ZNF525: variants seen among roughly 807,000 people sequenced by gnomAD.
ZNF525 encodes zinc finger protein 525.
In ZNF525, 33 loss-of-function variants were observed where a neutral mutation model predicts 37.6. The ratio of observed to expected loss-of-function variants is 0.88; its 90% confidence interval spans 0.67 to 1.17. The LOEUF is 1.17. Ranked by LOEUF, ZNF525 falls within the 50% of genes most tolerant of loss-of-function variation. ZNF525 has a pLI of 0.00. For missense variants in ZNF525, 449 were observed against 543.1 expected (o/e 0.83, Z 1.72); for synonymous variants, 170 against 182.3 (o/e 0.93, Z 0.54).
rs2085573910 is a variant in ZNF525 at position 53,382,465 on chromosome 19, A to G, written c.*446A>G. ...TGCCTTACACGCCATCATAGACTTC[A>G]TACTGGAAATAAATCTTATAAGTGT... is the stretch of plus-strand genomic sequence containing the variant. On this transcript the variant is annotated 3_prime_UTR_variant, in exon 4 of 4. Transcript: ENST00000474037. 1 of 745,270 alleles carries G rather than the reference A, an allele frequency of 1.3e-6. No individual in the cohort carries two copies. The highest frequency in any genetic ancestry group is 2.4e-6 in the Non-Finnish European group (1 of 411,652). 46.2% of individuals were successfully genotyped at this position (745,270 alleles called of 1,614,324 possible). A position where few individuals can be genotyped will look rare whatever the true frequency, so the allele number is the denominator to read the frequency against.
rs779985548 is a variant in ZNF525, at chr19:53,381,442, A to G, written c.863A>G (p.Tyr288Cys). 6 of 1,508,328 alleles carry G rather than the reference A, an allele frequency of 4.0e-6. No homozygotes were observed. Among genetic ancestry groups the G allele is most frequent in the Non-Finnish European group, 5.5e-6 (6 of 1,083,950 alleles). 93.4% of individuals were successfully genotyped at this position (1,508,328 alleles called of 1,614,324 possible). A position where few individuals can be genotyped will look rare whatever the true frequency, so the allele number is the denominator to read the frequency against. The change falls in exon 4 of 4, where the codon TAT becomes TGT. Residue 288 changes from tyrosine (Y) to cysteine (C), a missense_variant. Tyr to Cys is a radical substitution (Grantham distance 194). This residue lies in a region of ZNF525 where 271 missense variants were observed against 381.6 expected (regional missense o/e 0.71). Coordinates refer to ENST00000474037, the MANE Select transcript of ZNF525 (RefSeq NM_001348156.2). Reference protein sequence around the residue: ...KSFSQMSSLTYHHRLHTGEKP... With the variant: ...KSFSQMSSLTCHHRLHTGEKP... ...TTCAGTCAGATGTCATCCCTTACAT[A>G]TCATCATCGACTTCATACTGGAGAG...
In ZNF525 at chr19:53,383,451, CAG is replaced by C; in HGVS notation, c.*1433_*1434del. Reference sequence around the variant, plus strand: ...CAGTCGCAAATCAAACCTCGAAAGACAGGAGAATTCATACTGGAGAGAAACCA... The same window carrying C: ...CAGTCGCAAATCAAACCTCGAAAGACGAGAATTCATACTGGAGAGAAACCA... On this transcript the variant is annotated 3_prime_UTR_variant, in exon 4 of 4. Transcript: ENST00000474037. 9.9e-7 allele frequency: 1 copy of C among 1,013,476 alleles called. No homozygotes were observed. Among genetic ancestry groups the C allele is most frequent in the Non-Finnish European group, 1.5e-6 (1 of 677,926 alleles). The allele number at this position is 1,013,476 out of a possible 1,614,324, so 62.8% of individuals were successfully genotyped here.
At chr19:53,366,119 C>T (rs1436484893) in intron 1 of ZNF525, among the ~76,000 whole-genome samples, 4 of 151,996 alleles carry the variant, frequency 2.6e-5, no homozygotes, top group Non-Finnish European at 5.9e-5. Context: ...GCCCCTAGAG[C>T]GCAGCGTCGC....
chr19:53,369,123 G>T (rs898749248), intron 1 of ZNF525, among the ~76,000 whole-genome samples: 2 of 152,170 alleles, frequency 1.3e-5, no homozygotes, highest in African/African-American at 4.8e-5. Flanking sequence ...TGGTTTAAAA[G>T]GGAACTTTTT....
Position 53,381,294 on chromosome 19 carries a change from G to A in ZNF525, c.715G>A (p.Gly239Arg). The change falls in exon 4 of 4, where the codon GGA (glycine) becomes AGA (arginine). Residue 239 changes from glycine (G) to arginine (R), a missense_variant. Physicochemically the swap from Gly to Arg is moderately radical, Grantham distance 125. Around this residue, in one of 2 missense-constraint regions of ZNF525, gnomAD observed 271 missense variants for 381.6 expected, o/e 0.71. Coordinates refer to ENST00000474037, the MANE Select transcript of ZNF525 (RefSeq NM_001348156.2). ...LLRKHQIIHL[G>R]EKQYKCDVCD... ...AAGGAAACATCAGATTATTCATCTA[G>A]GAGAGAAACAATATAAATGTGATGT... 6.9e-7 allele frequency: 1 copy of A among 1,459,786 alleles called. No homozygotes were observed. The highest frequency in any genetic ancestry group is 9.6e-7 in the Non-Finnish European group (1 of 1,039,320). 90.4% of individuals were successfully genotyped at this position (1,459,786 alleles called of 1,614,324 possible).
intron 1 of ZNF525, among the ~76,000 whole-genome samples, chr19:53,369,315 C>T (rs1349308436): frequency 1.3e-5 from 2 of 151,796 alleles, no homozygotes; most frequent in Non-Finnish European, 2.9e-5. Flanking sequence ...CAATCTTGGC[C>T]CACTGCAACC....
In ZNF525 at chr19:53,381,044, G is replaced by C. The variant is rs1568761762; in HGVS notation, c.465G>C (p.Gln155His). 4.5e-6 allele frequency: 7 copies of C among 1,545,252 alleles called. No individual in the cohort carries two copies. Among genetic ancestry groups the C allele is most frequent in the Non-Finnish European group, 6.3e-6 (7 of 1,117,354 alleles). ...ATCTGTCTGAACTCCACATATTTCA[G>C]CCCAAAGGGAAAATTAATAATCAAG... The part of the protein sequence containing the change: ...HSHLSELHIF[Q>H]PKGKINNQVE... Residue 155 changes from glutamine (Q) to histidine (H), a missense_variant, in exon 4 of 4, where the codon CAG becomes CAC. Gln to His is a conservative substitution (Grantham distance 24, BLOSUM62 0). Around this residue, in one of 2 missense-constraint regions of ZNF525, gnomAD observed 271 missense variants for 381.6 expected, o/e 0.71. Transcript: ENST00000474037.
intron 3 of ZNF525, 141 bp from the exon 4 acceptor site, chr19:53,380,581 T>C: frequency 1.8e-6 from 1 of 542,304 alleles, no homozygotes; most frequent in Non-Finnish European, 3.2e-6. Flanking sequence ...GCTTTCATAA[T>C]AATAATTTGA....
chr19:53,376,437 A>G, intron 3 of ZNF525: 3 of 590,654 alleles, frequency 5.1e-6, no homozygotes, highest in Non-Finnish European at 8.9e-6. Flanking sequence ...TATTATCTGT[A>G]TTTCTTGATT....
chr19:53,366,388 A>G (rs1432707636), intron 1 of ZNF525, among the ~76,000 whole-genome samples: 7 of 150,758 alleles, frequency 4.6e-5, no homozygotes, highest in Non-Finnish European at 1.0e-4. Context: ...CAGGCGTCTT[A>G]CTCCAAACCC....
chr19:53,367,298 G>T (rs1480718622), intron 1 of ZNF525, among the ~76,000 whole-genome samples: 6 of 129,176 alleles, frequency 4.6e-5, no homozygotes, highest in Non-Finnish European at 1.7e-5. Context: ...TACTATTCTT[G>T]GAGTGAATGA....
At position 53,383,351 on chromosome 19, in the gene ZNF525, A is replaced by T. The variant is rs1454644325; in HGVS notation, c.*1332A>T. 1 of 1,252,970 alleles carries T rather than the reference A, an allele frequency of 8.0e-7. No individual in the cohort carries two copies. Among genetic ancestry groups the T allele is most frequent in the Non-Finnish European group, 1.1e-6 (1 of 890,350 alleles). The allele number at this position is 1,252,970 out of a possible 1,614,324, so 77.6% of individuals were successfully genotyped here. ...AATGTGGCGAGGTTTTCAATCAACAAGCACACGTTGCACGTCATCATAGAA... is the reference window on the plus strand; with the variant it reads ...AATGTGGCGAGGTTTTCAATCAACATGCACACGTTGCACGTCATCATAGAA... On this transcript the variant is annotated 3_prime_UTR_variant, in exon 4 of 4. Coordinates refer to ENST00000474037, the MANE Select transcript of ZNF525 (RefSeq NM_001348156.2).
chr19:53,368,905 G>C (rs114740132), intron 1 of ZNF525, among the ~76,000 whole-genome samples: 1 of 152,090 alleles, frequency 6.6e-6, no homozygotes, highest in African/African-American at 2.4e-5. Flanking sequence ...ATTGTCCTTT[G>C]TTGTGTGCTG....
Position 53,386,381 on chromosome 19 carries a change from G to T in ZNF525, c.*4362G>T. On this transcript the variant is annotated 3_prime_UTR_variant, in exon 4 of 4. Coordinates refer to ENST00000474037, the MANE Select transcript of ZNF525 (RefSeq NM_001348156.2). The stretch of plus-strand genomic sequence containing the variant: ...AGACATTGGAGAAGAACCAAGCTGG[G>T]TCTATAAGGAATTGCATGTGAGATG... 4.6e-6 allele frequency: 4 copies of T among 873,444 alleles called. No individual in the cohort carries two copies. The highest frequency in any genetic ancestry group is 7.5e-6 in the Non-Finnish European group (4 of 532,492). The allele number at this position is 873,444 out of a possible 1,614,324, so 54.1% of individuals were successfully genotyped here.
intron 3 of ZNF525, among the ~76,000 whole-genome samples, chr19:53,379,684 A>C (rs1279167978): frequency 6.6e-6 from 1 of 152,220 alleles, no homozygotes; most frequent in Non-Finnish European, 1.5e-5. Context: ...TATGCAATAT[A>C]ACTGACACAG....
chr19:53,371,767 G>A lies in ZNF525; in HGVS notation c.-67-448G>A, dbSNP rs142821425. Reference sequence around the variant, plus strand: ...TGATTCTCCCACCTCAACCTCCTAAGTAGCTGGGAGCACAGACACACAGAC... The same window carrying A: ...TGATTCTCCCACCTCAACCTCCTAAATAGCTGGGAGCACAGACACACAGAC... On this transcript the variant is annotated intron_variant, in intron 1 of 3. Transcript: ENST00000474037. Among the ~76,000 whole-genome samples the A allele has an allele frequency of 3.1e-3, 475 of 152,174 alleles. 2 individuals are homozygous for A. The highest frequency in any genetic ancestry group is 5.0e-3 in the Non-Finnish European group (340 of 68,018).
Position 53,365,713 on chromosome 19 carries a change from G to A in ZNF525, c.-114G>A. 1.1e-5 allele frequency: 2 copies of A among 178,018 alleles called. No homozygotes were observed. The highest frequency in any genetic ancestry group is 1.1e-4 in the South Asian group (1 of 9,376). The allele number at this position is 178,018 out of a possible 1,614,324, so 11.0% of individuals were successfully genotyped here. A position where few individuals can be genotyped will look rare whatever the true frequency, so the allele number is the denominator to read the frequency against. Reference sequence around the variant, plus strand: ...TCTGTCCTTCCCCGCTCAGACGCGCGCAAACCCGGAAGCAGATCGCGTGGA... The same window carrying A: ...TCTGTCCTTCCCCGCTCAGACGCGCACAAACCCGGAAGCAGATCGCGTGGA... On this transcript the variant is annotated 5_prime_UTR_variant, in exon 1 of 4. Transcript: ENST00000474037.
Position 53,383,444 on chromosome 19 carries a change from C to T in ZNF525, c.*1425C>T, listed in dbSNP as rs540490486. 4.3e-5 allele frequency: 44 copies of T among 1,028,354 alleles called. No individual in the cohort carries two copies. Among genetic ancestry groups the T allele is most frequent in the Admixed American group, 1.3e-4 (7 of 53,520 alleles). The allele number at this position is 1,028,354 out of a possible 1,614,324, so 63.7% of individuals were successfully genotyped here. On this transcript the variant is annotated 3_prime_UTR_variant, in exon 4 of 4. Transcript: ENST00000474037. ...AAGTTTACAGTCGCAAATCAAACCT[C>T]GAAAGACAGGAGAATTCATACTGGA... is the stretch of plus-strand genomic sequence containing the variant.
rs777128876 is a variant in ZNF525, at chr19:53,375,908, T to C, written c.142+12T>C. ...CCTGGTCTCCCTGGGTGAGGATAACTTCCCTCCAGAAGTGGGGATGTGTCC... is the reference window on the plus strand; with the variant it reads ...CCTGGTCTCCCTGGGTGAGGATAACCTCCCTCCAGAAGTGGGGATGTGTCC... On this transcript the variant is annotated intron_variant, in intron 3 of 3. Transcript: ENST00000474037. 3.1e-6 allele frequency: 5 copies of C among 1,613,384 alleles called. No homozygotes were observed. In the East Asian group the frequency reaches 1.1e-4, roughly 36 times the overall value.
Sources: gnomAD v4.1 joint callset for allele counts (sites outside exome capture counted in the v4.1 genomes callset) on GRCh38, gnomAD v4.1.1 for gene constraint, gnomAD v4.1.1 regional missense constraint, MANE v1.5 for transcripts, NCBI Gene and HGNC (gene_info 2026-07-23, HGNC 2026-07-21) for gene names.